The following AFF3 variants were observed in gnomAD, a reference collection of about 807,000 sequenced individuals.
AFF3 encodes AF4/FMR2 family member 3.
Under a neutral mutation model 129.7 loss-of-function variants are expected in AFF3, and 32 were observed. That is an observed-to-expected ratio of 0.25 (90% CI 0.19 to 0.33). The LOEUF (loss-of-function observed/expected upper bound fraction) is 0.33. AFF3 is among the 10% of genes least tolerant of loss of function. AFF3 has a pLI of 1.00. For missense variants in AFF3, 1,373 were observed against 1,592.0 expected, an observed-to-expected ratio of 0.86 and a Z score of 2.34; for synonymous variants, 644 against 635.4, an observed-to-expected ratio of 1.01 and a Z score of -0.20.
intron 14 of AFF3, among the ~76,000 whole-genome samples, chr2:99,594,494 G>A (rs554990464): frequency 6.6e-6 from 1 of 152,144 alleles, no homozygotes; most frequent in African/African-American, 2.4e-5. Flanking sequence ...TGTCCTTACC[G>A]GCCCGTGGCA....
intron 4 of AFF3, among the ~76,000 whole-genome samples, chr2:100,022,751 C>T (rs920030777): frequency 1.3e-5 from 2 of 152,156 alleles, no homozygotes; most frequent in African/African-American, 4.8e-5. Context: ...CCACATACAA[C>T]ACAGCAAGTC....
chr2:100,139,793 A>AT, intron 1 of AFF3, among the ~76,000 whole-genome samples: 1 of 152,344 alleles, frequency 6.6e-6, no homozygotes, highest in East Asian at 1.9e-4. Context: ...GAAATGAGAT[A>AT]TGACTTGTTT....
intron 11 of AFF3, among the ~76,000 whole-genome samples, chr2:99,703,845 G>C (rs1677106574): frequency 6.6e-6 from 1 of 152,212 alleles, no homozygotes; most frequent in Non-Finnish European, 1.5e-5. Flanking sequence ...ACAGGCATGA[G>C]TCACTGCAAC....
chr2:100,005,390 T>C (rs1272308264), intron 7 of AFF3, among the ~76,000 whole-genome samples: 6 of 152,198 alleles, frequency 3.9e-5, no homozygotes. Flanking sequence ...ATGAAGGGGT[T>C]CCTGGTGGTT....
rs1678432891 is a variant in AFF3, at chr2:99,589,388, G to A, written c.2467-2110C>T. ...GTGAATCTGACAACACCCCTGCAAA[G>A]ATGTCAACATTTTTTTTTTTTTTTT... On this transcript the variant is annotated intron_variant, in intron 15 of 24. Transcript: ENST00000672756. 2.1e-5 allele frequency among the ~76,000 whole-genome samples: 3 copies of A among 145,684 alleles called. No individual in the cohort carries two copies. The Admixed American group carries it at 2.1e-4, about 10-fold the overall frequency.
At chr2:99,583,271 C>G (rs777994608) in intron 16 of AFF3, among the ~76,000 whole-genome samples, 24 of 152,214 alleles carry the variant, frequency 1.6e-4, no homozygotes, top group Non-Finnish European at 3.1e-4. Context: ...CCTTCATTTT[C>G]CAAGTCCTTT....
At chr2:100,116,047 T>G (rs1221076090) in intron 2 of AFF3, among the ~76,000 whole-genome samples, 2 of 152,172 alleles carry the variant, frequency 1.3e-5, no homozygotes, top group Non-Finnish European at 2.9e-5. Flanking sequence ...TTTAGAATAG[T>G]TACACCATCC....
At chr2:99,716,539 C>G (rs1299331400) in intron 11 of AFF3, among the ~76,000 whole-genome samples, 2 of 151,628 alleles carry the variant, frequency 1.3e-5, no homozygotes, top group African/African-American at 4.9e-5. Context: ...GGTAAGTGTT[C>G]AAAACAGGTT....
intron 8 of AFF3, among the ~76,000 whole-genome samples, chr2:99,775,378 C>T (rs1170663744): frequency 2.0e-5 from 3 of 152,124 alleles, no homozygotes; most frequent in Admixed American, 2.0e-4. Flanking sequence ...TGCAGCCATA[C>T]AAAAGAATGA....
At chr2:100,014,486 C>A (rs1276290468) in intron 4 of AFF3, among the ~76,000 whole-genome samples, 2 of 152,138 alleles carry the variant, frequency 1.3e-5, no homozygotes, top group African/African-American at 4.8e-5. Context: ...AGCCATCCTG[C>A]TGATGAGAAG....
intron 4 of AFF3, among the ~76,000 whole-genome samples, chr2:100,063,671 T>A (rs948328224): frequency 6.6e-6 from 1 of 152,044 alleles, no homozygotes; most frequent in Non-Finnish European, 1.5e-5. Flanking sequence ...ATATGTCTCA[T>A]CGGAGACCTA....
At chr2:99,971,418 A>T (rs1257522207) in intron 7 of AFF3, among the ~76,000 whole-genome samples, 1 of 152,194 alleles carries the variant, frequency 6.6e-6, no homozygotes, top group Non-Finnish European at 1.5e-5. Context: ...GGCCAGGAAA[A>T]TATCCAAACT....
At chr2:99,866,917 A>C (rs949451765) in intron 7 of AFF3, among the ~76,000 whole-genome samples, 16 of 150,396 alleles carry the variant, frequency 1.1e-4, no homozygotes, top group Admixed American at 6.6e-5. Flanking sequence ...TGGAGGTTGC[A>C]GTGAGCTGAG....
At chr2:99,791,556 A>G (rs923248748) in intron 8 of AFF3, among the ~76,000 whole-genome samples, 6 of 152,310 alleles carry the variant, frequency 3.9e-5, no homozygotes, top group Non-Finnish European at 8.8e-5. Flanking sequence ...AAATACAGAG[A>G]GCCGACTGTA....
intron 2 of AFF3, among the ~76,000 whole-genome samples, chr2:100,120,808 T>C (rs1691933530): frequency 6.6e-6 from 1 of 151,976 alleles, no homozygotes; most frequent in Non-Finnish European, 1.5e-5. Flanking sequence ...AATATTTCCT[T>C]TAAATTTTGT....
intron 11 of AFF3, among the ~76,000 whole-genome samples, chr2:99,695,975 C>A (rs968185800): frequency 3.7e-4 from 42 of 113,982 alleles, no homozygotes; most frequent in Non-Finnish European, 4.7e-4. Context: ...AAGAAAAAAC[C>A]AAAAAAAAAA....
chr2:99,904,293 G>A (rs1694556331), intron 7 of AFF3, among the ~76,000 whole-genome samples: 1 of 151,848 alleles, frequency 6.6e-6, no homozygotes, highest in Non-Finnish European at 1.5e-5. Context: ...AGGACATCAT[G>A]TTCTATCTTT....
At chr2:99,745,310 T>C (rs934376411) in intron 9 of AFF3, among the ~76,000 whole-genome samples, 1 of 152,206 alleles carries the variant, frequency 6.6e-6, no homozygotes, top group South Asian at 2.1e-4. Context: ...TTTCCTCCCA[T>C]CCTGTCAATT....
chr2:100,098,480 T>C (rs1454648969), intron 4 of AFF3, among the ~76,000 whole-genome samples: 1 of 147,938 alleles, frequency 6.8e-6, no homozygotes, highest in Non-Finnish European at 1.5e-5. Context: ...TTTTCTTAAT[T>C]TGCCTATTAA....
Sources: allele counts gnomAD v4.1 joint callset (sites outside exome capture counted in the v4.1 genomes callset), GRCh38; gene constraint gnomAD v4.1.1; transcripts MANE v1.5; gene names NCBI Gene and HGNC (gene_info 2026-07-23, HGNC 2026-07-21).